Variants in PPP2R5C observed in about 807,000 individuals in gnomAD.
The protein encoded by PPP2R5C is serine/threonine-protein phosphatase 2A 56 kDa regulatory subunit gamma isoform.
PPP2R5C carries 7 observed loss-of-function variants against 68.9 expected under a neutral mutation model. The observed-to-expected ratio is 0.10, with a 90% CI of 0.06 to 0.19. The LOEUF (loss-of-function observed/expected upper bound fraction) is 0.19. Among genes scored for constraint, PPP2R5C ranks in the 10% least tolerant of loss-of-function variants. PPP2R5C has a pLI of 1.00. For synonymous variants in PPP2R5C, 210 were observed against 222.2 expected (o/e 0.95, Z 0.49); for missense variants, 348 against 641.3 (o/e 0.54, Z 4.94).
chr14:101,891,064 G>A lies in PPP2R5C; in HGVS notation c.689+768G>A, dbSNP rs746782410. On this transcript the variant is annotated intron_variant, in intron 6 of 13. Transcript: ENST00000334743. The surrounding 1 kb of genome is among the most constrained non-coding windows in gnomAD (Gnocchi z 4.9). ...TGAGATTACAGGCATGAGCCACCAC[G>A]CCCGGCCACTTTTATTTAATTGATA... Among the ~76,000 whole-genome samples, 1 of 152,060 alleles carries A rather than the reference G, an allele frequency of 6.6e-6. No individual in the cohort carries two copies. Among genetic ancestry groups the A allele is most frequent in the African/African-American group, 2.4e-5 (1 of 41,394 alleles).
At chr14:101,776,325 G>A (rs2037419991) in intron 2 of PPP2R5C, among the ~76,000 whole-genome samples, 1 of 152,148 alleles carries the variant, frequency 6.6e-6, no homozygotes. Flanking sequence ...GAGGGCGAAA[G>A]GGGAAGAATC....
In PPP2R5C at chr14:101,772,122, G is replaced by C. The variant is rs529084343; in HGVS notation, c.93+9152G>C. ...TTTCCAAAATAATTCTTATGGGAGT[G>C]TATTTAATTTAATTGAACTTATTTT... On this transcript the variant is annotated intron_variant, in intron 2 of 14. Transcript: ENST00000328724. Among the ~76,000 whole-genome samples, 15 of 152,056 alleles carry C rather than the reference G, an allele frequency of 9.9e-5. No homozygotes were observed. The South Asian group carries it at 3.1e-3, about 32-fold the overall frequency.
Position 101,781,443 on chromosome 14 carries a change from G to C in PPP2R5C, c.94-4575G>C, listed in dbSNP as rs1023080551. Among the ~76,000 whole-genome samples the C allele has an allele frequency of 1.2e-4, 19 of 152,110 alleles. No homozygotes were observed. The highest frequency in any genetic ancestry group is 2.1e-4 in the Non-Finnish European group (14 of 67,978). On this transcript the variant is annotated intron_variant, in intron 2 of 14. Coordinates refer to the PPP2R5C transcript ENST00000328724. The surrounding 1 kb of genome is among the most constrained non-coding windows in gnomAD (Gnocchi z 6.4). ...TGGGGCCAGGCTCGACCTCACTCCT[G>C]TTGTCGCTGCAGACCCGCGTGGGCT...
intron 13 of PPP2R5C, among the ~76,000 whole-genome samples, chr14:101,920,269 A>G (rs1282920580): frequency 9.2e-5 from 14 of 152,184 alleles, no homozygotes; most frequent in Admixed American, 9.2e-4. Context: ...AGAACGTCCA[A>G]CTGCTTGGTC....
chr14:101,901,291 AG>A (rs2045675775), intron 8 of PPP2R5C, among the ~76,000 whole-genome samples: 1 of 152,168 alleles, frequency 6.6e-6, no homozygotes, highest in South Asian at 2.1e-4. Context: ...TTTTAAAAAA[AG>A]GAATGGACTC....
chr14:101,763,951 T>C (rs1455836217), intron 2 of PPP2R5C, among the ~76,000 whole-genome samples: 3 of 152,222 alleles, frequency 2.0e-5, no homozygotes, highest in Non-Finnish European at 4.4e-5. Flanking sequence ...TCTCCAATAA[T>C]GTTGGTATTT....
Position 101,829,993 on chromosome 14 carries a change from C to T in PPP2R5C, c.94+19957C>T, listed in dbSNP as rs78983181. Among the ~76,000 whole-genome samples the T allele has an allele frequency of 9.1e-3, 1,380 of 152,048 alleles. 20 individuals carry two copies. Among genetic ancestry groups the T allele is most frequent in the African/African-American group, 0.032 (1,308 of 41,446 alleles). On this transcript the variant is annotated intron_variant, in intron 1 of 13. Transcript: ENST00000334743. The stretch of plus-strand genomic sequence containing the variant: ...TTGTTTCTATTTGGTCCTCTGTGAC[C>T]CAAGTTGTTGCTTAGCTTTCCTGCC...
intron 1 of PPP2R5C, among the ~76,000 whole-genome samples, chr14:101,822,347 C>T (rs1022147195): frequency 9.9e-5 from 15 of 152,196 alleles, no homozygotes; most frequent in Non-Finnish European, 1.3e-4. Context: ...AGAATGAACA[C>T]ATTTCTCCTT....
chr14:101,883,181 T>A lies in PPP2R5C; in HGVS notation c.406-76T>A, dbSNP rs112950379. On this transcript the variant is annotated intron_variant, in intron 3 of 13. Coordinates refer to ENST00000334743, the Ensembl canonical transcript of PPP2R5C. ...GCTAATATTTGCATACCAATAAAGA[T>A]TCAATTTCTGGTATATTTTAACCGC... 3,993 of 1,042,660 alleles carry A rather than the reference T, an allele frequency of 3.8e-3. 119 individuals are homozygous for A. In the African/African-American group the frequency reaches 0.058, roughly 15 times the overall value. The allele number at this position is 1,042,660 out of a possible 1,614,324, so 64.6% of individuals were successfully genotyped here. A position where few individuals can be genotyped will look rare whatever the true frequency, so the allele number is the denominator to read the frequency against.
chr14:101,765,317 T>C (rs1459074219), intron 2 of PPP2R5C: 1 of 700,108 alleles, frequency 1.4e-6, no homozygotes, highest in African/African-American at 1.7e-5. Flanking sequence ...GGAATACAAG[T>C]TGGGACACTT....
chr14:101,906,767 C>T lies in PPP2R5C; in HGVS notation c.1151+238C>T, dbSNP rs1312330533. On this transcript the variant is annotated intron_variant, in intron 10 of 13. Coordinates refer to ENST00000334743, the Ensembl canonical transcript of PPP2R5C. This position sits in a 1 kb window ranked among gnomAD's most constrained non-coding sequence, Gnocchi z 4.0. ...GGCACATTGGTTTGCAGCCACCTCC[C>T]AGTAGCAGCAGTTTCTAGGCCTCTT... 4 of 461,388 alleles carry T rather than the reference C, an allele frequency of 8.7e-6. No individual in the cohort carries two copies. In the Admixed American group the frequency reaches 1.6e-4, roughly 18 times the overall value. The allele number at this position is 461,388 out of a possible 1,614,324, so 28.6% of individuals were successfully genotyped here. A position where few individuals can be genotyped will look rare whatever the true frequency, so the allele number is the denominator to read the frequency against.
chr14:101,917,776 C>G lies in PPP2R5C; in HGVS notation c.1327-55C>G. ...ATGAGTCCCTAGCCAGGATGAGAAGCTTGGAGTTCAGAGCCTGGGCACCTA... is the reference window on the plus strand; with the variant it reads ...ATGAGTCCCTAGCCAGGATGAGAAGGTTGGAGTTCAGAGCCTGGGCACCTA... On this transcript the variant is annotated intron_variant, in intron 12 of 13. Coordinates refer to ENST00000334743, the Ensembl canonical transcript of PPP2R5C. The surrounding 1 kb of genome is among the most constrained non-coding windows in gnomAD (Gnocchi z 4.4). 1 of 1,606,950 alleles carries G rather than the reference C, an allele frequency of 6.2e-7. No homozygotes were observed. The highest frequency in any genetic ancestry group is 8.5e-7 in the Non-Finnish European group (1 of 1,175,758).
chr14:101,765,257 T>A (rs1442231840), intron 2 of PPP2R5C: 1 of 702,714 alleles, frequency 1.4e-6, no homozygotes, highest in Non-Finnish European at 2.6e-6. Context: ...AGAGGCAACC[T>A]GGCATATTAA....
chr14:101,780,583 A>G (rs1351389852), intron 2 of PPP2R5C, among the ~76,000 whole-genome samples: 2 of 152,040 alleles, frequency 1.3e-5, no homozygotes, highest in Admixed American at 6.5e-5. Flanking sequence ...ACCTCCTGCC[A>G]TTCCCCCACG....
At chr14:101,837,051 T>G (rs1408685532) in intron 1 of PPP2R5C, among the ~76,000 whole-genome samples, 1 of 152,230 alleles carries the variant, frequency 6.6e-6, no homozygotes, top group African/African-American at 2.4e-5. Context: ...GTGGTAGACA[T>G]AAGTTGTTAT....
At chr14:101,837,664 G>A (rs993830721) in intron 1 of PPP2R5C, among the ~76,000 whole-genome samples, 5 of 152,146 alleles carry the variant, frequency 3.3e-5, no homozygotes, top group African/African-American at 1.2e-4. Context: ...CGAGGACTGT[G>A]GGCTTTGTTG....
intron 1 of PPP2R5C, among the ~76,000 whole-genome samples, chr14:101,812,185 T>C (rs2039402845): frequency 6.6e-6 from 1 of 152,182 alleles, no homozygotes; most frequent in Admixed American, 6.5e-5. Context: ...TTAACATCCA[T>C]TGAGCAGCTC....
intron 1 of PPP2R5C, among the ~76,000 whole-genome samples, chr14:101,833,103 C>T (rs2040853724): frequency 6.6e-6 from 1 of 152,224 alleles, no homozygotes; most frequent in Non-Finnish European, 1.5e-5. Flanking sequence ...AGTGAGAAGT[C>T]GTCAGTAGCT....
intron 2 of PPP2R5C, among the ~76,000 whole-genome samples, chr14:101,871,328 G>C (rs1458801970): frequency 2.6e-5 from 4 of 151,884 alleles, no homozygotes; most frequent in Non-Finnish European, 5.9e-5. Flanking sequence ...TGCAAGCTCC[G>C]CCTCCCGGGT....
Sources: allele counts gnomAD v4.1 joint callset (sites outside exome capture counted in the v4.1 genomes callset), GRCh38; gene constraint gnomAD v4.1.1; non-coding constraint Gnocchi (gnomAD v3.1); transcripts MANE v1.5; gene names NCBI Gene and HGNC (gene_info 2026-07-23, HGNC 2026-07-21).